Variants in TMTC2 observed in about 807,000 individuals in gnomAD.
The protein encoded by TMTC2 is protein O-mannosyl-transferase TMTC2.
TMTC2 carries 43 observed loss-of-function variants against 82.4 expected under a neutral mutation model. That is an observed-to-expected ratio of 0.52 (90% CI 0.41 to 0.67). The LOEUF is 0.67. Among genes scored for constraint, TMTC2 ranks in the 30% least tolerant of loss-of-function variants. The pLI, the probability that TMTC2 is intolerant of heterozygous loss-of-function variation, is 0.00. For synonymous variants in TMTC2, 408 were observed against 381.9 expected, an observed-to-expected ratio of 1.07 and a Z score of -0.80; for missense variants, 919 against 1,012.4, an observed-to-expected ratio of 0.91 and a Z score of 1.25.
chr12:83,039,153 G>A (rs1881794315), intron 9 of TMTC2, among the ~76,000 whole-genome samples: 1 of 151,824 alleles, frequency 6.6e-6, no homozygotes, highest in Non-Finnish European at 1.5e-5. Context: ...GGCTGTTCTC[G>A]AACTCCTGAC....
chr12:82,697,429 A>C (rs1872866453), intron 1 of TMTC2, among the ~76,000 whole-genome samples: 1 of 151,990 alleles, frequency 6.6e-6, no homozygotes, highest in African/African-American at 2.4e-5. Context: ...CACTGACCAC[A>C]CTTAGGGTAA....
intron 1 of TMTC2, among the ~76,000 whole-genome samples, chr12:82,765,176 C>T (rs573486989): frequency 2.0e-5 from 3 of 152,264 alleles, no homozygotes; most frequent in East Asian, 3.9e-4. Context: ...ACCCAGTTCT[C>T]GAGCTTGACA....
intron 6 of TMTC2, among the ~76,000 whole-genome samples, chr12:82,966,354 A>G (rs889140827): frequency 6.6e-6 from 1 of 152,110 alleles, no homozygotes; most frequent in African/African-American, 2.4e-5. Context: ...CCATGCCTGC[A>G]TGAGTTCCTT....
At chr12:82,799,933 T>A (rs1878914272) in intron 1 of TMTC2, among the ~76,000 whole-genome samples, 1 of 152,042 alleles carries the variant, frequency 6.6e-6, no homozygotes, top group Admixed American at 6.6e-5. Context: ...AGGATCCTAA[T>A]CCCAGTCAAT....
intron 11 of TMTC2, among the ~76,000 whole-genome samples, chr12:83,125,073 TTCTGCATGC>T (rs1885062935): frequency 6.6e-6 from 1 of 152,192 alleles, no homozygotes; most frequent in Non-Finnish European, 1.5e-5. Flanking sequence ...ATAAAGGTTA[TTCTGCATGC>T]TGGCTAGCTA....
intron 2 of TMTC2, among the ~76,000 whole-genome samples, chr12:82,894,601 T>G (rs1039518477): frequency 6.6e-6 from 1 of 152,178 alleles, no homozygotes; most frequent in African/African-American, 2.4e-5. Flanking sequence ...ATTGAACCAT[T>G]AAGGTTGGGA....
chr12:83,115,649 T>C lies in TMTC2; in HGVS notation c.2332-16561T>C, dbSNP rs1342571075. The stretch of plus-strand genomic sequence containing the variant: ...TCTAGGTTTTCCTTTTTTTTATTAT[T>C]TTTTTTTTTATTTCTATAGGTTATT... On this transcript the variant is annotated intron_variant, in intron 11 of 11. Coordinates refer to ENST00000321196, the MANE Select transcript of TMTC2 (RefSeq NM_152588.3). Among the ~76,000 whole-genome samples, 4 of 20,050 alleles carry C rather than the reference T, an allele frequency of 2.0e-4. No individual in the cohort carries two copies. The African/African-American group carries it at 2.4e-3, about 12-fold the overall frequency. 13.2% of individuals were successfully genotyped at this position (20,050 alleles called of 152,430 possible).
intron 11 of TMTC2, among the ~76,000 whole-genome samples, chr12:83,070,622 T>C (rs1192887875): frequency 2.0e-5 from 3 of 152,162 alleles, no homozygotes; most frequent in Non-Finnish European, 2.9e-5. Context: ...AAGTAAATGA[T>C]TATATCCTCA....
intron 2 of TMTC2, among the ~76,000 whole-genome samples, chr12:82,883,156 GAA>G (rs1344659685): frequency 6.6e-6 from 1 of 151,124 alleles, no homozygotes; most frequent in Non-Finnish European, 1.5e-5. Context: ...GGCATTCTGA[GAA>G]AAAAGACAGT....
intron 1 of TMTC2, among the ~76,000 whole-genome samples, chr12:82,757,371 T>TTAAATCTC (rs1876384299): frequency 6.6e-6 from 1 of 152,228 alleles, no homozygotes; most frequent in South Asian, 2.1e-4. Context: ...AACGTTAACA[T>TTAAATCTC]TTGATTAAAT....
At chr12:82,722,545 CCA>C (rs1359295965) in intron 1 of TMTC2, among the ~76,000 whole-genome samples, 1 of 123,622 alleles carries the variant, frequency 8.1e-6, no homozygotes, top group South Asian at 2.7e-4. Context: ...CCAGCCTGGG[CCA>C]CAGAGTGAGA....
intron 8 of TMTC2, among the ~76,000 whole-genome samples, chr12:83,012,759 T>C (rs1319346623): frequency 6.6e-6 from 1 of 152,174 alleles, no homozygotes; most frequent in African/African-American, 2.4e-5. Context: ...AGGGAATTTG[T>C]AGAATTTCAT....
intron 6 of TMTC2, among the ~76,000 whole-genome samples, chr12:82,966,160 T>C (rs1044545422): frequency 5.9e-5 from 9 of 152,170 alleles, no homozygotes; most frequent in African/African-American, 2.2e-4. Context: ...ATATTCTTTG[T>C]ACTTTAAGGA....
At chr12:83,021,023 T>C (rs765622516) in intron 8 of TMTC2, among the ~76,000 whole-genome samples, 6 of 152,226 alleles carry the variant, frequency 3.9e-5, no homozygotes, top group African/African-American at 1.2e-4. Context: ...GGTGAGTTAC[T>C]TATAATTTGA....
intron 1 of TMTC2, among the ~76,000 whole-genome samples, chr12:82,791,200 C>T (rs966378271): frequency 6.6e-6 from 1 of 152,054 alleles, no homozygotes; most frequent in Non-Finnish European, 1.5e-5. Context: ...AGCTTTTTAT[C>T]TTTCCGTATT....
intron 8 of TMTC2, among the ~76,000 whole-genome samples, chr12:82,992,020 A>ATT (rs1479146411): frequency 9.9e-5 from 15 of 152,212 alleles, no homozygotes; most frequent in Non-Finnish European, 5.9e-5. Context: ...GATATTGGAG[A>ATT]CTCTGACAGT....
chr12:82,967,000 A>G lies in TMTC2; in HGVS notation c.1948+3A>G, dbSNP rs764903222. 44 of 1,609,628 alleles carry G rather than the reference A, an allele frequency of 2.7e-5. No homozygotes were observed. In the Admixed American group the frequency reaches 3.0e-4, roughly 11 times the overall value. On this transcript the variant is annotated splice_donor_region_variant and intron_variant, in intron 7 of 11. Coordinates refer to ENST00000321196, the MANE Select transcript of TMTC2 (RefSeq NM_152588.3). The stretch of plus-strand genomic sequence containing the variant: ...ACAGAGCTTGTACAACATGATGGGT[A>G]AGTAAAACATTAACACTTTTAAATT...
intron 1 of TMTC2, among the ~76,000 whole-genome samples, chr12:82,810,692 A>G (rs976087390): frequency 1.3e-5 from 2 of 152,082 alleles, no homozygotes; most frequent in Non-Finnish European, 2.9e-5. Flanking sequence ...TGTAATCCCC[A>G]TAATCCCCAC....
intron 1 of TMTC2, among the ~76,000 whole-genome samples, chr12:82,824,831 GT>G (rs1214891100): frequency 2.0e-5 from 3 of 152,120 alleles, no homozygotes; most frequent in African/African-American, 7.2e-5. Flanking sequence ...GCTCACGTCT[GT>G]AATCCCAGCA....
Sources: gnomAD v4.1 joint callset for allele counts (sites outside exome capture counted in the v4.1 genomes callset) on GRCh38, gnomAD v4.1.1 for gene constraint, MANE v1.5 for transcripts, NCBI Gene and HGNC (gene_info 2026-07-23, HGNC 2026-07-21) for gene names.